CLPTM1: variants seen among roughly 807,000 people sequenced by gnomAD.
CLPTM1 encodes putative lipid scramblase CLPTM1.
A neutral mutation model predicts 77.3 loss-of-function variants in CLPTM1; 21 were observed. The observed-to-expected ratio is 0.27, with a 90% CI of 0.19 to 0.39. The LOEUF is 0.39. Among genes scored for constraint, CLPTM1 ranks in the 10% least tolerant of loss-of-function variants. The pLI, the probability that CLPTM1 is intolerant of heterozygous loss-of-function variation, is 1.00. For synonymous variants in CLPTM1, 373 were observed against 381.0 expected (o/e 0.98, Z 0.24); for missense variants, 642 against 921.2 (o/e 0.70, Z 3.92).
At chr19:44,985,185 C>CA (rs1970958627) in intron 5 of CLPTM1, 33 bp from the exon 6 acceptor site, 2 of 1,568,320 alleles carry the variant, frequency 1.3e-6, no homozygotes, top group Admixed American at 3.4e-5. Flanking sequence ...CAGCAGGTCT[C>CA]ACGTCCCCTC....
intron 5 of CLPTM1, among the ~76,000 whole-genome samples, chr19:44,982,291 G>A (rs918780317): frequency 6.6e-6 from 1 of 151,822 alleles, no homozygotes; most frequent in Non-Finnish European, 1.5e-5. Context: ...AGAGGTTGCA[G>A]TGAGCTGAAA....
At position 44,993,206 on chromosome 19, in the gene CLPTM1, CG is replaced by C; in HGVS notation, c.*312del. 1 of 554,944 alleles carries C rather than the reference CG, an allele frequency of 1.8e-6. No homozygotes were observed. The highest frequency in any genetic ancestry group is 1.5e-5 in the South Asian group (1 of 65,134). 34.4% of individuals were successfully genotyped at this position (554,944 alleles called of 1,614,324 possible). Reference sequence around the variant, plus strand: ...GGGGTGGGTTGGGCGGGGGTGGGGCCGGGCCCCCCTACGGGATGCCCACGGC... The same window carrying C: ...GGGGTGGGTTGGGCGGGGGTGGGGCCGGCCCCCCTACGGGATGCCCACGGC... On this transcript the variant is annotated 3_prime_UTR_variant, in exon 14 of 14. Coordinates refer to ENST00000337392, the MANE Select transcript of CLPTM1 (RefSeq NM_001294.4).
chr19:44,979,334 C>T (rs118018258), intron 5 of CLPTM1, among the ~76,000 whole-genome samples: 11 of 152,116 alleles, frequency 7.2e-5, no homozygotes, highest in South Asian at 6.2e-4. Context: ...GATGGGCAGC[C>T]GTAGAAATCT....
At position 44,964,692 on chromosome 19, in the gene CLPTM1, C is replaced by T. The variant is rs565864731; in HGVS notation, c.185+2617C>T. ...GTGCCCCCATCACCATTATCCATCC[C>T]GAGAATTTACTCTTCCCAAACTGAA... On this transcript the variant is annotated intron_variant, in intron 2 of 13. Coordinates refer to ENST00000337392, the MANE Select transcript of CLPTM1 (RefSeq NM_001294.4). 7.9e-5 allele frequency among the ~76,000 whole-genome samples: 12 copies of T among 152,276 alleles called. No individual in the cohort carries two copies. The South Asian group carries it at 2.3e-3, about 29-fold the overall frequency.
Position 44,990,995 on chromosome 19 carries a change from T to C in CLPTM1, c.1419+50T>C. The C allele has an allele frequency of 6.9e-7, 1 of 1,444,950 alleles. No individual in the cohort carries two copies. Among genetic ancestry groups the C allele is most frequent in the Non-Finnish European group, 9.7e-7 (1 of 1,030,638 alleles). 89.5% of individuals were successfully genotyped at this position (1,444,950 alleles called of 1,614,324 possible). On this transcript the variant is annotated intron_variant, in intron 11 of 13. Coordinates refer to ENST00000337392, the MANE Select transcript of CLPTM1 (RefSeq NM_001294.4). This position sits in a 1 kb window ranked among gnomAD's most constrained non-coding sequence, Gnocchi z 4.8. ...CTGGGGGTGGTCTCCAGGTACCACG[T>C]ATCCCTGAGGCACCCGGGGCCGGCC... is the stretch of plus-strand genomic sequence containing the variant.
rs952488977 is a variant in CLPTM1 at position 44,967,155 on chromosome 19, TA to T, written c.185+5086del. ...CGCGCCTATCCTGACCCCATCTCTG[TA>T]AAAAACTAAAAAATTAGCTGGGTGT... On this transcript the variant is annotated intron_variant, in intron 2 of 13. Coordinates refer to ENST00000337392, the MANE Select transcript of CLPTM1 (RefSeq NM_001294.4). Among the ~76,000 whole-genome samples the T allele has an allele frequency of 2.0e-4, 31 of 151,476 alleles. No homozygotes were observed. In the East Asian group the frequency reaches 4.5e-3, roughly 22 times the overall value.
At chr19:44,962,967 GA>G (rs1970567422) in intron 2 of CLPTM1, among the ~76,000 whole-genome samples, 1 of 151,984 alleles carries the variant, frequency 6.6e-6, no homozygotes, top group Non-Finnish European at 1.5e-5. Context: ...GGAGCTTGCA[GA>G]GAGCTGAGAT....
intron 2 of CLPTM1, among the ~76,000 whole-genome samples, chr19:44,966,619 T>G (rs1484847954): frequency 6.6e-6 from 1 of 151,606 alleles, no homozygotes; most frequent in Non-Finnish European, 1.5e-5. Flanking sequence ...CTCTGTGGCC[T>G]GGTCAGGTTA....
At chr19:44,977,595 G>T (rs1359244624) in intron 5 of CLPTM1, 135 bp downstream of exon 5, 6 of 722,032 alleles carry the variant, frequency 8.3e-6, no homozygotes, top group Non-Finnish European at 1.2e-5. Flanking sequence ...GGTGGGATTG[G>T]CAGGGCAGGC....
At chr19:44,977,298 AC>A in intron 4 of CLPTM1, 44 bp from the exon 5 acceptor site, 2 of 1,427,390 alleles carry the variant, frequency 1.4e-6, no homozygotes. Context: ...CGTTTCCCTC[AC>A]CCCAGTTGCC....
At chr19:44,972,372 G>C (rs931761302) in intron 2 of CLPTM1, among the ~76,000 whole-genome samples, 8 of 151,106 alleles carry the variant, frequency 5.3e-5, no homozygotes, top group Non-Finnish European at 1.0e-4. Flanking sequence ...CTCAGCCTCC[G>C]GAGTAGCTGG....
intron 7 of CLPTM1, chr19:44,986,823 C>T (rs1302162238): frequency 1.3e-5 from 7 of 546,730 alleles, no homozygotes; most frequent in African/African-American, 1.9e-5. Context: ...AGCCCACAAA[C>T]TGTTTTCAAA....
In CLPTM1 at chr19:44,974,432, C is replaced by G; in HGVS notation, c.310-7C>G. 6.2e-7 allele frequency: 1 copy of G among 1,609,454 alleles called. No homozygotes were observed. Among genetic ancestry groups the G allele is most frequent in the Non-Finnish European group, 8.5e-7 (1 of 1,176,360 alleles). ...GCCTGAGCTCTGTTCCCTTCCTGTC[C>G]CAACAGAACCTGCATGTGTACATCT... On this transcript the variant is annotated splice_region_variant and splice_polypyrimidine_tract_variant and intron_variant, in intron 3 of 13. Transcript: ENST00000337392.
chr19:44,974,291 T>G (rs906666833), intron 3 of CLPTM1, 148 bp from the exon 4 acceptor site: 21 of 663,118 alleles, frequency 3.2e-5, no homozygotes, highest in Non-Finnish European at 4.4e-5. Context: ...AGAAAATATG[T>G]CCTCTCTGCT....
At position 44,992,952 on chromosome 19, in the gene CLPTM1, G is replaced by C. The variant is rs752272576; in HGVS notation, c.*55G>C. 2.5e-6 allele frequency: 4 copies of C among 1,569,708 alleles called. No individual in the cohort carries two copies. Among genetic ancestry groups the C allele is most frequent in the Non-Finnish European group, 3.5e-6 (4 of 1,157,470 alleles). On this transcript the variant is annotated 3_prime_UTR_variant, in exon 14 of 14. Transcript: ENST00000337392. This position sits in a 1 kb window ranked among gnomAD's most constrained non-coding sequence, Gnocchi z 7.7. ...CTGGCGACCACTACCCCTGCGTCCCGGCCCCCTCGCCTCCCCTCCCTGTCG... is the reference window on the plus strand; with the variant it reads ...CTGGCGACCACTACCCCTGCGTCCCCGCCCCCTCGCCTCCCCTCCCTGTCG...
Position 44,955,598 on chromosome 19 carries a change from G to A in CLPTM1, c.72+131G>A. 2.3e-6 allele frequency: 2 copies of A among 853,286 alleles called. 1 individual carries two copies. Among genetic ancestry groups the A allele is most frequent in the Non-Finnish European group, 3.0e-6 (2 of 656,820 alleles). 52.9% of individuals were successfully genotyped at this position (853,286 alleles called of 1,614,324 possible). On this transcript the variant is annotated intron_variant, in intron 1 of 13. Transcript: ENST00000337392. ...TGGCCAGAGGGACCTTGAATACCCGGCCCAGGCAGGGCCGGACCGCCCGGG... is the reference window on the plus strand; with the variant it reads ...TGGCCAGAGGGACCTTGAATACCCGACCCAGGCAGGGCCGGACCGCCCGGG...
intron 1 of CLPTM1, among the ~76,000 whole-genome samples, chr19:44,959,485 G>C (rs1022062786): frequency 6.6e-6 from 1 of 152,020 alleles, no homozygotes; most frequent in Non-Finnish European, 1.5e-5. Flanking sequence ...CTCCTGAGTA[G>C]CTGGGACCAC....
intron 4 of CLPTM1, among the ~76,000 whole-genome samples, chr19:44,976,780 A>G (rs2075620): frequency 0.29 from 43,332 of 152,012 alleles, 6,514 homozygotes; most frequent in East Asian, 0.47. Flanking sequence ...CTGGGTTTCC[A>G]TCTGCGTACT....
At position 44,990,648 on chromosome 19, in the gene CLPTM1, A is replaced by T. The variant is rs1971057950; in HGVS notation, c.1323+63A>T. 6.4e-7 allele frequency: 1 copy of T among 1,561,314 alleles called. No homozygotes were observed. ...GGGTTGGGAGGGGGTAGTGTGGCCCAGCTGGACCCTGGAGCTGGCCCCCGG... is the reference window on the plus strand; with the variant it reads ...GGGTTGGGAGGGGGTAGTGTGGCCCTGCTGGACCCTGGAGCTGGCCCCCGG... On this transcript the variant is annotated intron_variant, in intron 10 of 13. Transcript: ENST00000337392. The surrounding 1 kb of genome is among the most constrained non-coding windows in gnomAD (Gnocchi z 4.8).
Sources: allele counts gnomAD v4.1 joint callset (sites outside exome capture counted in the v4.1 genomes callset), GRCh38; gene constraint gnomAD v4.1.1; non-coding constraint Gnocchi (gnomAD v3.1); transcripts MANE v1.5; gene names NCBI Gene and HGNC (gene_info 2026-07-23, HGNC 2026-07-21).